The following SETD9 variants were observed in gnomAD, a reference collection of about 807,000 sequenced individuals.
The protein encoded by SETD9 is SET domain containing 9, also known as SET domain-containing protein 9.
In SETD9, 37 loss-of-function variants were observed where a neutral mutation model predicts 36.4. The ratio of observed to expected loss-of-function variants is 1.02; its 90% CI spans 0.78 to 1.34. The LOEUF (loss-of-function observed/expected upper bound fraction) is 1.34, where lower values mean the gene tolerates loss of function less well. SETD9 is among the 40% of genes most tolerant of loss of function. SETD9 has a pLI of 0.00. For synonymous variants in SETD9, 128 were observed against 132.9 expected, an observed-to-expected ratio of 0.96 and a Z score of 0.26; for missense variants, 323 against 353.2, an observed-to-expected ratio of 0.91 and a Z score of 0.69.
downstream of SETD9, among the ~76,000 whole-genome samples, chr5:56,917,924 A>G (rs1008150423): frequency 1.2e-4 from 19 of 152,174 alleles, no homozygotes; most frequent in African/African-American, 4.1e-4. Context: ...CATGGAACCT[A>G]TATGACCAGA....
chr5:56,923,210 A>C (rs762504154), intron 5 of SETD9: 1 of 1,614,112 alleles, frequency 6.2e-7, no homozygotes, highest in Non-Finnish European at 8.5e-7. Context: ...GAGACTGCCA[A>C]AGTCAGCCAC....
chr5:56,920,815 T>C (rs550770569), downstream of SETD9: 1 of 152,560 alleles, frequency 6.6e-6, no homozygotes, highest in South Asian at 2.1e-4. Context: ...TACACTTATA[T>C]ACAAAAATCT....
downstream of SETD9, among the ~76,000 whole-genome samples, chr5:56,919,123 CTTCT>C (rs1028392959): frequency 2.8e-4 from 23 of 81,044 alleles, no homozygotes; most frequent in African/African-American, 1.1e-3. Context: ...TACTTTGGGA[CTTCT>C]TTTTTTTTTT....
At chr5:56,919,324 C>T (rs1749555972), downstream of SETD9, among the ~76,000 whole-genome samples, 1 of 151,998 alleles carries the variant, frequency 6.6e-6, no homozygotes. Context: ...CGGGGTTTCA[C>T]TATGTTGGTC....
chr5:56,910,214 A>C lies in SETD9; in HGVS notation c.98+471A>C, dbSNP rs1749041411. 3.1e-6 allele frequency: 4 copies of C among 1,279,776 alleles called. No homozygotes were observed. In the South Asian group the frequency reaches 5.1e-5, roughly 16 times the overall value. 79.3% of individuals were successfully genotyped at this position (1,279,776 alleles called of 1,614,324 possible). ...GTGGCTTTTTCTCCACCAGGGGTTA[A>C]TTAGGTGCTTGAACTTCCTCAGAAA... On this transcript the variant is annotated intron_variant, in intron 1 of 5. Coordinates refer to ENST00000285947, the MANE Select transcript of SETD9 (RefSeq NM_153706.4).
chr5:56,926,518 C>A (rs1749989648), downstream of SETD9, among the ~76,000 whole-genome samples: 1 of 151,704 alleles, frequency 6.6e-6, no homozygotes, highest in Non-Finnish European at 1.5e-5. Context: ...GAGGGAATTA[C>A]AAATTAAAAC....
chr5:56,913,756 C>A, intron 3 of SETD9, 118 bp from the exon 4 acceptor site: 1 of 636,794 alleles, frequency 1.6e-6, no homozygotes, highest in South Asian at 2.1e-5. Flanking sequence ...ACTGATTATA[C>A]TAAAGTCTTT....
At chr5:56,924,771 A>G (rs1749878042) in intron 5 of SETD9, among the ~76,000 whole-genome samples, 1 of 152,150 alleles carries the variant, frequency 6.6e-6, no homozygotes, top group Admixed American at 6.5e-5. Context: ...GTATGAACAA[A>G]ATTCTTCATC....
downstream of SETD9, among the ~76,000 whole-genome samples, chr5:56,918,632 C>T (rs1749523593): frequency 6.7e-6 from 1 of 149,528 alleles, no homozygotes. Flanking sequence ...GCTCTGAAGG[C>T]ACTTCTGTGC....
intron 4 of SETD9, 105 bp from the exon 5 acceptor site, chr5:56,914,745 ATTTTGATCATG>A: frequency 1.8e-6 from 1 of 544,454 alleles, no homozygotes; most frequent in Non-Finnish European, 3.0e-6. Flanking sequence ...AGTAGTAATT[ATTTTGATCATG>A]TTTTGATAAT....
chr5:56,928,842 C>T (rs753806589), downstream of SETD9: 20 of 1,613,434 alleles, frequency 1.2e-5, no homozygotes, highest in Non-Finnish European at 1.6e-5. Flanking sequence ...ATTCTTCTTC[C>T]GTCCATGCAG....
At chr5:56,915,941 G>A (rs1749401734) in intron 5 of SETD9, among the ~76,000 whole-genome samples, 1 of 152,100 alleles carries the variant, frequency 6.6e-6, no homozygotes, top group Non-Finnish European at 1.5e-5. Flanking sequence ...CAGCCTGGGT[G>A]ACAGAGCCAG....
At chr5:56,910,132 G>A (rs1749035707) in intron 1 of SETD9, 10 of 1,232,146 alleles carry the variant, frequency 8.1e-6, no homozygotes, top group Non-Finnish European at 1.0e-5. Flanking sequence ...TGGGGAGCTT[G>A]TATCTGGGCA....
At chr5:56,923,659 CTG>C (rs760019019) in intron 5 of SETD9, 5 of 1,613,872 alleles carry the variant, frequency 3.1e-6, no homozygotes, top group African/African-American at 1.3e-5. Context: ...TTGCAACAAA[CTG>C]TACTAAATGC....
chr5:56,914,021 A>G (rs1274157477), intron 4 of SETD9, 32 bp downstream of exon 4: 4 of 1,468,212 alleles, frequency 2.7e-6, no homozygotes, highest in Non-Finnish European at 3.8e-6. Flanking sequence ...GTGAGATGAG[A>G]TATATCAATG....
intron 5 of SETD9, among the ~76,000 whole-genome samples, chr5:56,924,253 GT>G (rs35795629): frequency 2.3e-4 from 35 of 149,440 alleles, no homozygotes; most frequent in African/African-American, 7.6e-4. Context: ...AAAGCCCAAG[GT>G]TTTTTTTTTA....
chr5:56,914,368 A>G (rs2112026643), intron 4 of SETD9, among the ~76,000 whole-genome samples: 1 of 152,246 alleles, frequency 6.6e-6, no homozygotes, highest in South Asian at 2.1e-4. Flanking sequence ...CCCTATCTAT[A>G]TCTTCTTTAG....
At chr5:56,910,069 A>C in intron 1 of SETD9, 1 of 1,273,010 alleles carries the variant, frequency 7.9e-7, no homozygotes, top group South Asian at 1.6e-5. Flanking sequence ...CGCGAGGCCG[A>C]GCTCGCCAGC....
intron 5 of SETD9, chr5:56,923,982 G>A (rs777992121): frequency 1.2e-6 from 2 of 1,613,900 alleles, no homozygotes; most frequent in Middle Eastern, 1.7e-4. Context: ...TAATCATAAC[G>A]TTCAGATTTC....
Sources: gnomAD v4.1 joint callset for allele counts (sites outside exome capture counted in the v4.1 genomes callset) on GRCh38, gnomAD v4.1.1 for gene constraint, MANE v1.5 for transcripts, NCBI Gene and HGNC (gene_info 2026-07-23, HGNC 2026-07-21) for gene names.